Variants in NEMP2 observed in about 807,000 individuals in gnomAD.
NEMP2 encodes the protein UPF0571 transmembrane protein.
Under a neutral mutation model 54.2 loss-of-function variants are expected in NEMP2, and 53 were observed. That is an observed-to-expected ratio of 0.98 (90% CI 0.78 to 1.23). NEMP2 has a LOEUF of 1.23. NEMP2 is among the 50% of genes most tolerant of loss of function. NEMP2 has a pLI of 0.00. For missense variants in NEMP2, 455 were observed against 511.3 expected, an observed-to-expected ratio of 0.89 and a Z score of 1.06; for synonymous variants, 197 against 190.3, an observed-to-expected ratio of 1.04 and a Z score of -0.29.
chr2:190,569,833 A>C, the NEMP2 span, among the ~76,000 whole-genome samples: 1 of 148,406 alleles, frequency 6.7e-6, no homozygotes, highest in Non-Finnish European at 1.5e-5. Flanking sequence ...AAGTGCAATA[A>C]ATAATTTACT....
At chr2:190,427,637 T>C in the NEMP2 span, among the ~76,000 whole-genome samples, 3 of 152,240 alleles carry the variant, frequency 2.0e-5, no homozygotes, top group Non-Finnish European at 4.4e-5. Flanking sequence ...GTTTACTTTA[T>C]ATATTATTGT....
chr2:190,602,233 A>G, the NEMP2 span, among the ~76,000 whole-genome samples: 9 of 152,190 alleles, frequency 5.9e-5, no homozygotes, highest in East Asian at 1.5e-3. Flanking sequence ...CGTGGGGGCA[A>G]TTTGTAGGGC....
At chr2:190,550,105 C>T in the NEMP2 span, among the ~76,000 whole-genome samples, 3 of 152,130 alleles carry the variant, frequency 2.0e-5, no homozygotes, top group African/African-American at 7.2e-5. This position sits in a 1 kb window ranked among gnomAD's most constrained non-coding sequence, Gnocchi z 4.7. Context: ...ATCAAGATTC[C>T]TAGTTCCCAG....
chr2:190,480,968 G>A, the NEMP2 span, among the ~76,000 whole-genome samples: 1 of 152,184 alleles, frequency 6.6e-6, no homozygotes, highest in African/African-American at 2.4e-5. Context: ...ATTAAAGCCT[G>A]GCTATGAATT....
the NEMP2 span, among the ~76,000 whole-genome samples, chr2:190,606,778 T>C: frequency 6.6e-6 from 1 of 152,218 alleles, no homozygotes; most frequent in African/African-American, 2.4e-5. Context: ...ATCCCAGGCA[T>C]ATAATAATAG....
chr2:190,595,859 T>C, the NEMP2 span, among the ~76,000 whole-genome samples: 3 of 152,284 alleles, frequency 2.0e-5, no homozygotes, highest in Non-Finnish European at 2.9e-5. This position sits in a 1 kb window ranked among gnomAD's most constrained non-coding sequence, Gnocchi z 4.0. Flanking sequence ...CAAGGACCTA[T>C]AACCAGAAAT....
the NEMP2 span, among the ~76,000 whole-genome samples, chr2:190,575,288 C>A: frequency 1.3e-5 from 2 of 152,020 alleles, no homozygotes; most frequent in Admixed American, 6.6e-5. Flanking sequence ...TAATTCAAAG[C>A]TCAAATTCTA....
the NEMP2 span, among the ~76,000 whole-genome samples, chr2:190,632,752 T>TAA: frequency 6.6e-6 from 1 of 152,098 alleles, no homozygotes; most frequent in Non-Finnish European, 1.5e-5. The surrounding 1 kb of genome is among the most constrained non-coding windows in gnomAD (Gnocchi z 4.8). Context: ...GGGGGGCAAC[T>TAA]GGAATGACTT....
chr2:190,503,238 G>A (rs60668509), downstream of NEMP2, among the ~76,000 whole-genome samples: 12,445 of 152,266 alleles, frequency 0.082, 621 homozygotes, highest in African/African-American at 0.11. The surrounding 1 kb of genome is among the most constrained non-coding windows in gnomAD (Gnocchi z 6.3). Context: ...GAAACCCAGA[G>A]GTTGGTAGGG....
chr2:190,642,536 T>C, the NEMP2 span, among the ~76,000 whole-genome samples: 1 of 152,152 alleles, frequency 6.6e-6, no homozygotes, highest in East Asian at 1.9e-4. The surrounding 1 kb of genome is among the most constrained non-coding windows in gnomAD (Gnocchi z 4.1). Flanking sequence ...TTAAGAAACT[T>C]GTTTATAATC....
intron 1 of NEMP2, 113 bp downstream of exon 1, chr2:190,534,446 C>A (rs925563531): frequency 2.7e-5 from 33 of 1,231,082 alleles, no homozygotes; most frequent in Middle Eastern, 3.2e-4. Context: ...AGGGAGCGCC[C>A]GCCCCAGTGG....
chr2:190,533,271 T>C lies in NEMP2; in HGVS notation c.97+1288A>G, dbSNP rs1440905439. Reference sequence around the variant, plus strand: ...CTAAGGCTACTTCTAATTTTCTCGCTGTTGCCATGCCCAGAAACCTTCCTG... The same window carrying C: ...CTAAGGCTACTTCTAATTTTCTCGCCGTTGCCATGCCCAGAAACCTTCCTG... On this transcript the variant is annotated intron_variant, in intron 1 of 8. Coordinates refer to ENST00000409150, the MANE Select transcript of NEMP2 (RefSeq NM_001142645.2). The surrounding 1 kb of genome is among the most constrained non-coding windows in gnomAD (Gnocchi z 4.3). Among the ~76,000 whole-genome samples, 1 of 152,368 alleles carries C rather than the reference T, an allele frequency of 6.6e-6. No individual in the cohort carries two copies. The highest frequency in any genetic ancestry group is 6.5e-5 in the Admixed American group (1 of 15,314).
chr2:190,611,916 C>T, the NEMP2 span, among the ~76,000 whole-genome samples: 919 of 152,196 alleles, frequency 6.0e-3, 10 homozygotes, highest in African/African-American at 0.021. This position sits in a 1 kb window ranked among gnomAD's most constrained non-coding sequence, Gnocchi z 5.4. Flanking sequence ...AGATAAGGTC[C>T]GACTTATTCC....
chr2:190,487,238 G>A, the NEMP2 span, among the ~76,000 whole-genome samples: 1 of 152,200 alleles, frequency 6.6e-6, no homozygotes. The surrounding 1 kb of genome is among the most constrained non-coding windows in gnomAD (Gnocchi z 5.5). Flanking sequence ...CTACTTGGGA[G>A]GCTGAAGCAG....
the NEMP2 span, among the ~76,000 whole-genome samples, chr2:190,467,585 C>T: frequency 6.6e-6 from 1 of 152,108 alleles, no homozygotes; most frequent in South Asian, 2.1e-4. This position sits in a 1 kb window ranked among gnomAD's most constrained non-coding sequence, Gnocchi z 5.5. Context: ...TGCTCTCTAG[C>T]CTCGGCAACA....
chr2:190,596,821 TATACAA>T, the NEMP2 span, among the ~76,000 whole-genome samples: 1 of 152,176 alleles, frequency 6.6e-6, no homozygotes, highest in Non-Finnish European at 1.5e-5. This position sits in a 1 kb window ranked among gnomAD's most constrained non-coding sequence, Gnocchi z 5.1. Context: ...GGAAATCTGG[TATACAA>T]ATGCATATAA....
rs1691007308 is a variant in NEMP2, at chr2:190,528,147, G to A, written c.98-2769C>T. 6.6e-6 allele frequency among the ~76,000 whole-genome samples: 1 copy of A among 152,204 alleles called. No homozygotes were observed. Among genetic ancestry groups the A allele is most frequent in the Non-Finnish European group, 1.5e-5 (1 of 68,042 alleles). On this transcript the variant is annotated intron_variant, in intron 1 of 8. Coordinates refer to ENST00000409150, the MANE Select transcript of NEMP2 (RefSeq NM_001142645.2). The surrounding 1 kb of genome is among the most constrained non-coding windows in gnomAD (Gnocchi z 4.3). ...GCACATTTTTGAATATATCTGAGAT[G>A]CAAATGACTTCTGGCCAAGGGCAGC...
chr2:190,597,587 A>C, the NEMP2 span, among the ~76,000 whole-genome samples: 5 of 152,172 alleles, frequency 3.3e-5, no homozygotes, highest in Admixed American at 1.3e-4. This position sits in a 1 kb window ranked among gnomAD's most constrained non-coding sequence, Gnocchi z 4.7. Flanking sequence ...GTAGCAATCA[A>C]TGTTAAAATG....
upstream of NEMP2, among the ~76,000 whole-genome samples, chr2:190,539,238 T>C (rs1691471382): frequency 6.6e-6 from 1 of 152,218 alleles, no homozygotes; most frequent in Non-Finnish European, 1.5e-5. The surrounding 1 kb of genome is among the most constrained non-coding windows in gnomAD (Gnocchi z 4.1). Context: ...TTGGTACTTC[T>C]GTTGAAAATG....
Sources: gnomAD v4.1 joint callset for allele counts (sites outside exome capture counted in the v4.1 genomes callset) on GRCh38, gnomAD v4.1.1 for gene constraint, Gnocchi (gnomAD v3.1) non-coding constraint, MANE v1.5 for transcripts, NCBI Gene and HGNC (gene_info 2026-07-23, HGNC 2026-07-21) for gene names.